MMACHC: variants seen among roughly 807,000 people sequenced by gnomAD.
MMACHC encodes metabolism of cobalamin associated C.
MMACHC carries 14 observed loss-of-function variants against 17.6 expected under a neutral mutation model. The ratio of observed to expected loss-of-function variants is 0.80; its 90% CI spans 0.53 to 1.25. The LOEUF (loss-of-function observed/expected upper bound fraction) is 1.25, where lower values mean the gene tolerates loss of function less well. Among genes scored for constraint, MMACHC ranks in the 50% most tolerant of loss-of-function variants. MMACHC has a pLI of 0.00. For synonymous variants in MMACHC, 151 were observed against 142.1 expected (o/e 1.06, Z -0.45); for missense variants, 392 against 364.5 (o/e 1.08, Z -0.62).
Position 45,510,958 on chromosome 1 carries a change from C to T in MMACHC, c.*1743C>T, listed in dbSNP as rs148427166. The T allele has an allele frequency of 5.2e-4, 86 of 164,518 alleles. No homozygotes were observed. The highest frequency in any genetic ancestry group is 7.7e-4 in the Non-Finnish European group (59 of 76,426). 10.2% of individuals were successfully genotyped at this position (164,518 alleles called of 1,614,324 possible). A position where few individuals can be genotyped will look rare whatever the true frequency, so the allele number is the denominator to read the frequency against. ...AATTCCCTGATTTGGAGGCAGCTCTCCTCATTTTCCCCAAAACAGGGAAAG... is the reference window on the plus strand; with the variant it reads ...AATTCCCTGATTTGGAGGCAGCTCTTCTCATTTTCCCCAAAACAGGGAAAG... On this transcript the variant is annotated 3_prime_UTR_variant, in exon 4 of 4. Transcript: ENST00000401061.
intron 1 of MMACHC, among the ~76,000 whole-genome samples, chr1:45,501,926 A>G (rs115657189): frequency 4.7e-4 from 71 of 151,966 alleles, no homozygotes; most frequent in Non-Finnish European, 8.4e-4. Flanking sequence ...CCACCCATCT[A>G]TGCTGTGGTC....
chr1:45,504,790 G>C (rs1643591404), intron 1 of MMACHC, among the ~76,000 whole-genome samples: 1 of 152,130 alleles, frequency 6.6e-6, no homozygotes, highest in African/African-American at 2.4e-5. Context: ...TAGCCTCTTT[G>C]GTAGCATCAG....
chr1:45,511,417 G>A lies in MMACHC; in HGVS notation c.*2202G>A, dbSNP rs755097482. The A allele has an allele frequency of 7.4e-6, 12 of 1,610,820 alleles. No homozygotes were observed. In the South Asian group the frequency reaches 1.1e-4, roughly 15 times the overall value. On this transcript the variant is annotated 3_prime_UTR_variant, in exon 4 of 4. Transcript: ENST00000401061. Reference sequence around the variant, plus strand: ...AGGTTTCCAGCCAGCTGGGCACACTGCAAGAGAAAGGCACCACTAATTAAT... The same window carrying A: ...AGGTTTCCAGCCAGCTGGGCACACTACAAGAGAAAGGCACCACTAATTAAT...
intron 2 of MMACHC, among the ~76,000 whole-genome samples, chr1:45,507,971 G>T (rs183178862): frequency 2.0e-4 from 30 of 152,242 alleles, no homozygotes; most frequent in African/African-American, 7.2e-4. Context: ...ATACCCACTG[G>T]ATCTCCCCAA....
At position 45,508,913 on chromosome 1, in the gene MMACHC, G is replaced by GT. The variant is rs1557608570; in HGVS notation, c.548dup (p.Pro184ThrfsTer5). On this transcript the variant is annotated frameshift_variant, in exon 4 of 4. Coordinates refer to ENST00000401061, the MANE Select transcript of MMACHC (RefSeq NM_015506.3). LOFTEE classifies it low-confidence loss of function (END_TRUNC). ...GCCACCCAGAAAACCTCATGACTGT[G>GT]TACCTACAAGAGCTGACCGTATCGC... is the stretch of plus-strand genomic sequence containing the variant. 1 of 1,614,192 alleles carries GT rather than the reference G, an allele frequency of 6.2e-7. No individual in the cohort carries two copies. Among genetic ancestry groups the GT allele is most frequent in the Non-Finnish European group, 8.5e-7 (1 of 1,180,044 alleles).
chr1:45,511,676 TTAAA>T lies in MMACHC; in HGVS notation c.*2465_*2468del, dbSNP rs767289126. On this transcript the variant is annotated 3_prime_UTR_variant, in exon 4 of 4. Transcript: ENST00000401061. ...AATTTTCCACAAAAAAAGGCAAAGT[TTAAA>T]TAATTTGCCAACACTCTCTAATCCT... 2.8e-5 allele frequency: 9 copies of T among 325,042 alleles called. No homozygotes were observed. The highest frequency in any genetic ancestry group is 5.0e-5 in the Non-Finnish European group (9 of 179,234). 20.1% of individuals were successfully genotyped at this position (325,042 alleles called of 1,614,324 possible).
chr1:45,509,364 T>A lies in MMACHC; in HGVS notation c.*149T>A. 1 of 938,816 alleles carries A rather than the reference T, an allele frequency of 1.1e-6. No individual in the cohort carries two copies. 58.2% of individuals were successfully genotyped at this position (938,816 alleles called of 1,614,324 possible). A position where few individuals can be genotyped will look rare whatever the true frequency, so the allele number is the denominator to read the frequency against. On this transcript the variant is annotated 3_prime_UTR_variant, in exon 4 of 4. Transcript: ENST00000401061. ...GATAACAAGGCTCAAGGAAGTTAGG[T>A]TTGGCCAAGATAAAGGCCAGGGAAC...
chr1:45,507,270 A>G (rs1230588950), intron 1 of MMACHC, 86 bp from the exon 2 acceptor site: 1 of 1,318,792 alleles, frequency 7.6e-7, no homozygotes, highest in African/African-American at 1.5e-5. Context: ...GGCTGGGGCA[A>G]AAGTGTGAGG....
At position 45,510,938 on chromosome 1, in the gene MMACHC, CCT is replaced by C. The variant is rs551041902; in HGVS notation, c.*1724_*1725del. 1.2e-3 allele frequency: 187 copies of C among 159,206 alleles called. 1 individual carries two copies. The highest frequency in any genetic ancestry group is 4.1e-3 in the African/African-American group (173 of 41,792). 9.9% of individuals were successfully genotyped at this position (159,206 alleles called of 1,614,324 possible). The stretch of plus-strand genomic sequence containing the variant: ...ATATCTACCTGTGTCAATATAATTC[CCT>C]GATTTGGAGGCAGCTCTCCTCATTT... On this transcript the variant is annotated 3_prime_UTR_variant, in exon 4 of 4. Transcript: ENST00000401061.
At position 45,507,338 on chromosome 1, in the gene MMACHC, C is replaced by T. The variant is rs756006713; in HGVS notation, c.82-18C>T. ...CTAGACTGGCCCTCTCCAGCCTGGC[C>T]TGAACTTTCTGTTTCAGGTGGCATG... On this transcript the variant is annotated intron_variant, in intron 1 of 3. Coordinates refer to ENST00000401061, the MANE Select transcript of MMACHC (RefSeq NM_015506.3). 5.6e-6 allele frequency: 9 copies of T among 1,613,884 alleles called. No individual in the cohort carries two copies. The highest frequency in any genetic ancestry group is 6.8e-6 in the Non-Finnish European group (8 of 1,179,900).
Position 45,508,780 on chromosome 1 carries a change from T to C in MMACHC, c.430-16T>C. ...GGGGACCTCCATGACCTTGCTTTTC[T>C]TCACCCTCTCCCCAGCGCATATCAG... On this transcript the variant is annotated splice_polypyrimidine_tract_variant and intron_variant, in intron 3 of 3. Coordinates refer to ENST00000401061, the MANE Select transcript of MMACHC (RefSeq NM_015506.3). The C allele has an allele frequency of 6.2e-7, 1 of 1,611,512 alleles. No individual in the cohort carries two copies.
chr1:45,503,199 G>C (rs1643571331), intron 1 of MMACHC, among the ~76,000 whole-genome samples: 1 of 151,970 alleles, frequency 6.6e-6, no homozygotes, highest in African/African-American at 2.4e-5. Context: ...AGGGGTTCAA[G>C]ACCAGCCTGG....
chr1:45,508,999 C>G lies in MMACHC; in HGVS notation c.633C>G (p.Pro211=). The G allele has an allele frequency of 6.2e-7, 1 of 1,614,178 alleles. No homozygotes were observed. Among genetic ancestry groups the G allele is most frequent in the Non-Finnish European group, 8.5e-7 (1 of 1,180,020 alleles). ...RDWTYRDAVT[P]QERYSEEQKA... Reference sequence around the variant, plus strand: ...GGACTTACCGGGATGCTGTGACACCCCAGGAGCGCTACTCAGAAGAGCAGA... The same window carrying G: ...GGACTTACCGGGATGCTGTGACACCGCAGGAGCGCTACTCAGAAGAGCAGA... Residue 211 remains proline, a synonymous_variant, in exon 4 of 4, where the codon CCC becomes CCG. Coordinates refer to ENST00000401061, the MANE Select transcript of MMACHC (RefSeq NM_015506.3).
chr1:45,503,431 CTTTTTTT>C (rs10607418), intron 1 of MMACHC, among the ~76,000 whole-genome samples: 1 of 77,032 alleles, frequency 1.3e-5, no homozygotes, highest in Non-Finnish European at 2.2e-5. Context: ...TAACTCTCTG[CTTTTTTT>C]TTTTTTTTTT....
intron 1 of MMACHC, among the ~76,000 whole-genome samples, chr1:45,502,695 C>T (rs182096239): frequency 1.7e-3 from 252 of 151,846 alleles, no homozygotes; most frequent in Non-Finnish European, 3.0e-3. Context: ...TCCAAGGAAG[C>T]CTTTTCTTTT....
At position 45,509,259 on chromosome 1, in the gene MMACHC, A is replaced by C; in HGVS notation, c.*44A>C. 6.2e-7 allele frequency: 1 copy of C among 1,611,580 alleles called. No individual in the cohort carries two copies. On this transcript the variant is annotated 3_prime_UTR_variant, in exon 4 of 4. Coordinates refer to ENST00000401061, the MANE Select transcript of MMACHC (RefSeq NM_015506.3). ...CTGATTTATGGTGGTACTTGCTAGG[A>C]CTTAATTGGCTTTGGCAAAGCAAAA...
intron 1 of MMACHC, among the ~76,000 whole-genome samples, chr1:45,506,980 A>G (rs1643629550): frequency 6.6e-6 from 1 of 151,808 alleles, no homozygotes; most frequent in Non-Finnish European, 1.5e-5. Context: ...CAGCCTGGCC[A>G]ACATGGCGAA....
In MMACHC at chr1:45,507,539, C is replaced by T. The variant is rs200109668; in HGVS notation, c.265C>T (p.Arg89Cys). The change falls in exon 2 of 4, where the codon CGT (arginine) becomes TGT (cysteine). Residue 89 changes from arginine to cysteine, a missense_variant. By Grantham distance (180) the Arg-to-Cys change is radical (BLOSUM62 -3). Coordinates refer to ENST00000401061, the MANE Select transcript of MMACHC (RefSeq NM_015506.3). ...VDQCVAYHLGRVRESLPELQI... is the reference protein window; with the variant it reads ...VDQCVAYHLGCVRESLPELQI... ...CCAGTGTGTGGCCTACCATCTGGGCCGTGTTAGAGAGGTGAGGAAGGCTCA... is the reference window on the plus strand; with the variant it reads ...CCAGTGTGTGGCCTACCATCTGGGCTGTGTTAGAGAGGTGAGGAAGGCTCA... 8.7e-6 allele frequency: 14 copies of T among 1,614,158 alleles called. No individual in the cohort carries two copies. Among genetic ancestry groups the T allele is most frequent in the South Asian group, 2.2e-5 (2 of 91,076 alleles).
chr1:45,508,185 T>C (rs776719661), intron 2 of MMACHC, 27 bp from the exon 3 acceptor site: 2 of 1,613,448 alleles, frequency 1.2e-6, no homozygotes, highest in Non-Finnish European at 1.7e-6. Flanking sequence ...ATGCTGACAG[T>C]ACCCTCTATT....
Sources: gnomAD v4.1 joint callset for allele counts (sites outside exome capture counted in the v4.1 genomes callset) on GRCh38, gnomAD v4.1.1 for gene constraint, MANE v1.5 for transcripts, NCBI Gene and HGNC (gene_info 2026-07-23, HGNC 2026-07-21) for gene names.